SLC24A2: variants seen among roughly 807,000 people sequenced by gnomAD.
The protein encoded by SLC24A2 is sodium/potassium/calcium exchanger 2.
Under a neutral mutation model 62.0 loss-of-function variants are expected in SLC24A2, and 36 were observed. The observed-to-expected ratio is 0.58, with a 90% CI of 0.44 to 0.77. The LOEUF (loss-of-function observed/expected upper bound fraction) is 0.77, where lower values mean the gene tolerates loss of function less well. SLC24A2 is among the 30% of genes least tolerant of loss of function. The probability of loss-of-function intolerance (pLI) is 0.00; values close to 1 mark genes in which losing one functional copy is unlikely to be tolerated. For missense variants in SLC24A2, 846 were observed against 817.9 expected, an observed-to-expected ratio of 1.03 and a Z score of -0.42; for synonymous variants, 358 against 294.0, an observed-to-expected ratio of 1.22 and a Z score of -2.23.
rs978745634 is a variant in SLC24A2, at chr9:19,786,762, C to T, written c.105G>A (p.Lys35=). ...RRHYSVKKKL[K]LIRVLGLFMG... ...TGAAAAGGCCTAAGACTCGAATTAA[C>T]TTCAGTTTTTTCTTGACACTATAAT... is the stretch of plus-strand genomic sequence containing the variant. The change falls in exon 2 of 11, where the codon AAG becomes AAA. Residue 35 remains lysine (K), a synonymous_variant. Coordinates refer to ENST00000341998, the MANE Select transcript of SLC24A2 (RefSeq NM_020344.4). The surrounding 1 kb of genome is among the most constrained non-coding windows in gnomAD (Gnocchi z 5.0). 3.2e-5 allele frequency: 52 copies of T among 1,601,314 alleles called. No individual in the cohort carries two copies. The highest frequency in any genetic ancestry group is 3.9e-5 in the Non-Finnish European group (46 of 1,173,376).
the SLC24A2 span, among the ~76,000 whole-genome samples, chr9:20,155,064 A>C: frequency 6.6e-6 from 1 of 151,198 alleles, no homozygotes; most frequent in Non-Finnish European, 1.5e-5. Context: ...ATCCCCATCA[A>C]GGAAAGAAGG....
chr9:19,786,576 A>G lies in SLC24A2; in HGVS notation c.291T>C (p.Tyr97=). 1 of 1,614,218 alleles carries G rather than the reference A, an allele frequency of 6.2e-7. No homozygotes were observed. ...LLDLNDKILD[Y]TPQPPLSKEG... Reference sequence around the variant, plus strand: ...CCTTAGAAAGAGGTGGCTGTGGAGTATAATCCAGAATCTTGTCATTTAAAT... The same window carrying G: ...CCTTAGAAAGAGGTGGCTGTGGAGTGTAATCCAGAATCTTGTCATTTAAAT... Residue 97 remains tyrosine (Y), a synonymous_variant, in exon 2 of 11, where the codon TAT becomes TAC. Coordinates refer to ENST00000341998, the MANE Select transcript of SLC24A2 (RefSeq NM_020344.4). The surrounding 1 kb of genome is among the most constrained non-coding windows in gnomAD (Gnocchi z 5.0).
In SLC24A2 at chr9:19,576,940, C is replaced by G; in HGVS notation, c.1212G>C (p.Gly404=). Residue 404 remains glycine, a synonymous_variant, in exon 6 of 11, where the codon GGG becomes GGC. Coordinates refer to ENST00000341998, the MANE Select transcript of SLC24A2 (RefSeq NM_020344.4). ...CHVDENERQN[G]AANHVEKIEL... ...TGCACTCACCCACGTGGTTGGCAGC[C>G]CCATTCTGCCTCTCGTTCTCATCCA... The G allele has an allele frequency of 1.2e-6, 2 of 1,613,594 alleles. No individual in the cohort carries two copies. The highest frequency in any genetic ancestry group is 1.7e-6 in the Non-Finnish European group (2 of 1,179,506).
the SLC24A2 span, among the ~76,000 whole-genome samples, chr9:19,873,830 C>T: frequency 6.6e-6 from 1 of 152,062 alleles, no homozygotes; most frequent in Non-Finnish European, 1.5e-5. Context: ...ACTCCATGTA[C>T]TTGCCGAATG....
the SLC24A2 span, among the ~76,000 whole-genome samples, chr9:20,095,809 G>A: frequency 6.6e-6 from 1 of 152,222 alleles, no homozygotes; most frequent in East Asian, 1.9e-4. Context: ...GGCTGGGGAG[G>A]CCTCACAAGC....
At chr9:20,197,993 A>C in the SLC24A2 span, among the ~76,000 whole-genome samples, 1 of 152,216 alleles carries the variant, frequency 6.6e-6, no homozygotes, top group Admixed American at 6.5e-5. Context: ...AAAGATGCTG[A>C]AGATTTCCCT....
Position 19,591,521 on chromosome 9 carries a change from T to C in SLC24A2, c.1129+5708A>G, listed in dbSNP as rs376842219. On this transcript the variant is annotated intron_variant, in intron 5 of 10. Coordinates refer to ENST00000341998, the MANE Select transcript of SLC24A2 (RefSeq NM_020344.4). ...ACTAGGTAGTCATGTGACTGAGTTTTGAGCAAATTTTACTGAGAGGGTCTT... is the reference window on the plus strand; with the variant it reads ...ACTAGGTAGTCATGTGACTGAGTTTCGAGCAAATTTTACTGAGAGGGTCTT... 1.1e-4 allele frequency among the ~76,000 whole-genome samples: 16 copies of C among 152,352 alleles called. No homozygotes were observed. The East Asian group carries it at 2.3e-3, about 22-fold the overall frequency.
the SLC24A2 span, among the ~76,000 whole-genome samples, chr9:19,829,797 G>A: frequency 3.3e-3 from 287 of 87,516 alleles, 2 homozygotes; most frequent in East Asian, 0.03. Context: ...GTGTGTGTGT[G>A]TATATATATA....
chr9:19,818,477 C>G, the SLC24A2 span, among the ~76,000 whole-genome samples: 1 of 152,122 alleles, frequency 6.6e-6, no homozygotes, highest in Non-Finnish European at 1.5e-5. Context: ...CAGAAAGCTC[C>G]TAGAATTGAT....
At chr9:20,075,420 T>C in the SLC24A2 span, among the ~76,000 whole-genome samples, 2 of 152,336 alleles carry the variant, frequency 1.3e-5, no homozygotes, top group African/African-American at 4.8e-5. Context: ...TCTGTGTCAC[T>C]GGACTCCAAA....
At chr9:19,585,953 G>C (rs535567692) in intron 5 of SLC24A2, among the ~76,000 whole-genome samples, 1 of 152,150 alleles carries the variant, frequency 6.6e-6, no homozygotes, top group Admixed American at 6.5e-5. Context: ...TCACCTTATC[G>C]TTAGAAATAT....
chr9:20,061,441 C>T, the SLC24A2 span, among the ~76,000 whole-genome samples: 1 of 152,038 alleles, frequency 6.6e-6, no homozygotes, highest in Admixed American at 6.6e-5. Context: ...CATGTGCCAC[C>T]ATGCCCAGCT....
the SLC24A2 span, among the ~76,000 whole-genome samples, chr9:20,058,013 AC>A: frequency 6.6e-6 from 1 of 152,206 alleles, no homozygotes; most frequent in African/African-American, 2.4e-5. Context: ...AAACAAACAA[AC>A]AAAAAACTTT....
intron 7 of SLC24A2, among the ~76,000 whole-genome samples, chr9:19,569,013 A>G (rs1020846639): frequency 1.3e-5 from 2 of 152,148 alleles, no homozygotes; most frequent in African/African-American, 2.4e-5. Context: ...ACTAAACAAC[A>G]TGTATTGGAG....
At chr9:20,169,156 T>G in the SLC24A2 span, among the ~76,000 whole-genome samples, 1 of 151,992 alleles carries the variant, frequency 6.6e-6, no homozygotes. Flanking sequence ...GGCAAATTCA[T>G]AGATAGACAA....
chr9:19,641,600 C>T (rs569445392), intron 2 of SLC24A2, among the ~76,000 whole-genome samples: 27 of 151,612 alleles, frequency 1.8e-4, no homozygotes, highest in Non-Finnish European at 3.5e-4. Flanking sequence ...CTGCAACCTC[C>T]GCCTCCTGGG....
the SLC24A2 span, among the ~76,000 whole-genome samples, chr9:20,028,208 G>C: frequency 1.3e-5 from 2 of 152,156 alleles, no homozygotes; most frequent in African/African-American, 4.8e-5. Flanking sequence ...AGAAGGCTTT[G>C]GGGTTTGATA....
At chr9:19,605,904 G>T (rs1015869437) in intron 4 of SLC24A2, among the ~76,000 whole-genome samples, 3 of 152,244 alleles carry the variant, frequency 2.0e-5, no homozygotes, top group African/African-American at 4.8e-5. Flanking sequence ...CAGAACTGGG[G>T]TTCAAACCAA....
At chr9:20,089,076 G>C in the SLC24A2 span, among the ~76,000 whole-genome samples, 1 of 152,194 alleles carries the variant, frequency 6.6e-6, no homozygotes, top group South Asian at 2.1e-4. Context: ...TATTGAGCTA[G>C]TAGCAGCTCT....
Sources: allele counts gnomAD v4.1 joint callset (sites outside exome capture counted in the v4.1 genomes callset), GRCh38; gene constraint gnomAD v4.1.1; non-coding constraint Gnocchi (gnomAD v3.1); transcripts MANE v1.5; gene names NCBI Gene and HGNC (gene_info 2026-07-23, HGNC 2026-07-21).